ZNF407: variants seen among roughly 807,000 people sequenced by gnomAD.
ZNF407 encodes the protein zinc finger protein 407.
Under a neutral mutation model 131.2 loss-of-function variants are expected in ZNF407, and 17 were observed. The observed-to-expected ratio is 0.13, with a 90% confidence interval of 0.09 to 0.19. The LOEUF is 0.19. Among genes scored for constraint, ZNF407 ranks in the 10% least tolerant of loss-of-function variants. The pLI, the probability that ZNF407 is intolerant of heterozygous loss-of-function variation, is 1.00. For synonymous variants in ZNF407, 1,156 were observed against 1,062.0 expected, an observed-to-expected ratio of 1.09 and a Z score of -1.72; for missense variants, 2,681 against 2,830.6, an observed-to-expected ratio of 0.95 and a Z score of 1.20.
intron 4 of ZNF407, among the ~76,000 whole-genome samples, chr18:74,840,879 A>G (rs1198274865): frequency 1.3e-5 from 2 of 152,156 alleles, no homozygotes; most frequent in Non-Finnish European, 2.9e-5. Flanking sequence ...AGTCCTCCCA[A>G]CTAACTCCGT....
At chr18:74,902,409 G>A (rs1451246308) in intron 7 of ZNF407, among the ~76,000 whole-genome samples, 1 of 152,176 alleles carries the variant, frequency 6.6e-6, no homozygotes, top group South Asian at 2.1e-4. Flanking sequence ...CGCAGGAGTC[G>A]AAGAGAATAG....
At chr18:74,719,510 C>T (rs921040427) in intron 3 of ZNF407, among the ~76,000 whole-genome samples, 9 of 152,228 alleles carry the variant, frequency 5.9e-5, no homozygotes, top group African/African-American at 1.9e-4. Context: ...CGCCATTCTC[C>T]TGCCTCAGTC....
At chr18:74,855,162 A>ACTT (rs1440928835) in intron 4 of ZNF407, among the ~76,000 whole-genome samples, 2 of 152,204 alleles carry the variant, frequency 1.3e-5, no homozygotes, top group East Asian at 3.8e-4. Flanking sequence ...TGGCCTCAGT[A>ACTT]CAAGACATTT....
At position 74,923,304 on chromosome 18, in the gene ZNF407, CT is replaced by C. The variant is rs201372058; in HGVS notation, c.5428+2626del. On this transcript the variant is annotated intron_variant, in intron 8 of 8. Coordinates refer to ENST00000299687, the MANE Select transcript of ZNF407 (RefSeq NM_017757.3). ...AGGTAGTTTGAGACTTTCTGGTTAT[CT>C]TTTTTTTTTTTTTAAACTATTGAAC... Among the ~76,000 whole-genome samples, 589 of 139,464 alleles carry C rather than the reference CT, an allele frequency of 4.2e-3. 2 individuals are homozygous for C. The highest frequency in any genetic ancestry group is 0.012 in the East Asian group (60 of 4,824). The allele number at this position is 139,464 out of a possible 152,430, so 91.5% of individuals were successfully genotyped here. A position where few individuals can be genotyped will look rare whatever the true frequency, so the allele number is the denominator to read the frequency against.
rs755262242 is a variant in ZNF407 at position 74,777,730 on chromosome 18, A to ACTCT, written c.4803-3680_4803-3677dup. Among the ~76,000 whole-genome samples, 16 of 86,498 alleles carry ACTCT rather than the reference A, an allele frequency of 1.8e-4. No individual in the cohort carries two copies. The South Asian group carries it at 2.8e-3, about 15-fold the overall frequency. The allele number at this position is 86,498 out of a possible 152,430, so 56.7% of individuals were successfully genotyped here. ...TTCCAAGAGACTGTTGATCGATCGC[A>ACTCT]CTCTCTCTCTCTCTCTCTCTCATTC... On this transcript the variant is annotated intron_variant, in intron 3 of 8. Coordinates refer to ENST00000299687, the MANE Select transcript of ZNF407 (RefSeq NM_017757.3).
At chr18:74,650,714 G>T (rs539507530) in intron 3 of ZNF407, among the ~76,000 whole-genome samples, 2 of 152,172 alleles carry the variant, frequency 1.3e-5, no homozygotes, top group Admixed American at 6.5e-5. Context: ...TCATGGAAGG[G>T]GTGGGCCACG....
At chr18:74,654,445 G>A (rs1985361259) in intron 3 of ZNF407, among the ~76,000 whole-genome samples, 1 of 151,742 alleles carries the variant, frequency 6.6e-6, no homozygotes, top group African/African-American at 2.4e-5. Flanking sequence ...AAAATATAGT[G>A]CAAACACTGT....
intron 8 of ZNF407, among the ~76,000 whole-genome samples, chr18:75,057,398 C>T (rs1973573616): frequency 6.6e-6 from 1 of 152,154 alleles, no homozygotes; most frequent in African/African-American, 2.4e-5. Context: ...ACCTTTGACC[C>T]CTTTAGTGGA....
chr18:74,625,346 G>GTGTGTGTGTGCC (rs1983741245), intron 1 of ZNF407, among the ~76,000 whole-genome samples: 1 of 152,116 alleles, frequency 6.6e-6, no homozygotes, highest in Non-Finnish European at 1.5e-5. Context: ...GTGTGTGTGT[G>GTGTGTGTGTGCC]TGTGTGTGTG....
intron 4 of ZNF407, among the ~76,000 whole-genome samples, chr18:74,798,419 G>A (rs1969961864): frequency 6.6e-6 from 1 of 152,078 alleles, no homozygotes; most frequent in Admixed American, 6.6e-5. Flanking sequence ...TAAGTAGGAA[G>A]AACATAACCA....
At chr18:74,957,385 T>A (rs940369523) in intron 8 of ZNF407, among the ~76,000 whole-genome samples, 46 of 152,234 alleles carry the variant, frequency 3.0e-4, no homozygotes, top group African/African-American at 1.1e-3. Context: ...TTGCATTTTT[T>A]AATTACGTTA....
intron 4 of ZNF407, among the ~76,000 whole-genome samples, chr18:74,796,504 C>G (rs1969922475): frequency 6.6e-6 from 1 of 152,170 alleles, no homozygotes; most frequent in African/African-American, 2.4e-5. Context: ...TAAGTATGTT[C>G]AGTATAGTAA....
At chr18:74,830,481 G>T (rs1302371948) in intron 4 of ZNF407, among the ~76,000 whole-genome samples, 4 of 152,094 alleles carry the variant, frequency 2.6e-5, no homozygotes, top group Non-Finnish European at 4.4e-5. Context: ...TCAATATGGG[G>T]TTTTGATACA....
chr18:75,020,895 A>G (rs1973102088), intron 8 of ZNF407, among the ~76,000 whole-genome samples: 2 of 152,308 alleles, frequency 1.3e-5, no homozygotes, highest in South Asian at 4.1e-4. Flanking sequence ...ATGAAAACAA[A>G]TGTACAATAA....
At position 74,637,757 on chromosome 18, in the gene ZNF407, C is replaced by T. The variant is rs182376904; in HGVS notation, c.4687+2051C>T. 4.0e-3 allele frequency among the ~76,000 whole-genome samples: 604 copies of T among 152,222 alleles called. 7 individuals are homozygous for T. The highest frequency in any genetic ancestry group is 0.014 in the African/African-American group (586 of 41,528). On this transcript the variant is annotated intron_variant, in intron 2 of 8. Coordinates refer to ENST00000299687, the MANE Select transcript of ZNF407 (RefSeq NM_017757.3). ...TGCAGAGACTGTTATTAATGGTTAA[C>T]TGGAAAAGAGCTTACTCTTCCAATC...
intron 3 of ZNF407, among the ~76,000 whole-genome samples, chr18:74,696,124 G>A (rs906974413): frequency 2.0e-5 from 3 of 152,138 alleles, no homozygotes; most frequent in Admixed American, 6.5e-5. Context: ...AATTGCTGTG[G>A]TTCTCCTAGA....
intron 8 of ZNF407, among the ~76,000 whole-genome samples, chr18:75,012,684 C>CTT (rs33911614): frequency 2.2e-3 from 329 of 149,510 alleles, no homozygotes; most frequent in Middle Eastern, 7.0e-3. Flanking sequence ...TGCTGTGGAA[C>CTT]TTTCTTTTTT....
rs759340497 is a variant in ZNF407, at chr18:74,634,173, G to T, written c.3154G>T (p.Asp1052Tyr). ...KEFEFYCMAC[D>Y]YYAVTRREMT... Reference sequence around the variant, plus strand: ...GTTTGAGTTTTATTGCATGGCATGCGATTACTACGCGGTGACTCGTCGCGA... The same window carrying T: ...GTTTGAGTTTTATTGCATGGCATGCTATTACTACGCGGTGACTCGTCGCGA... The change falls in exon 2 of 9, where the codon GAT (aspartate) becomes TAT (tyrosine). Residue 1052 changes from aspartate (D) to tyrosine (Y), a missense_variant. Physicochemically the swap from Asp to Tyr is radical, Grantham distance 160. This residue lies in a region of ZNF407 where 1,789 missense variants were observed against 1,748.7 expected (regional missense o/e 1.02). Coordinates refer to ENST00000299687, the MANE Select transcript of ZNF407 (RefSeq NM_017757.3). The T allele has an allele frequency of 6.2e-7, 1 of 1,613,912 alleles. No homozygotes were observed. Among genetic ancestry groups the T allele is most frequent in the Non-Finnish European group, 8.5e-7 (1 of 1,179,900 alleles).
At chr18:74,673,308 C>T (rs1467433776) in intron 3 of ZNF407, among the ~76,000 whole-genome samples, 3 of 152,142 alleles carry the variant, frequency 2.0e-5, no homozygotes, top group Non-Finnish European at 2.9e-5. Context: ...GGAATCAAGG[C>T]GTCAACAGAG....
Sources: allele counts gnomAD v4.1 joint callset (sites outside exome capture counted in the v4.1 genomes callset), GRCh38; gene constraint gnomAD v4.1.1; regional missense constraint gnomAD v4.1.1; transcripts MANE v1.5; gene names NCBI Gene and HGNC (gene_info 2026-07-23, HGNC 2026-07-21).